The following GPR158 variants were observed in gnomAD, a reference collection of about 807,000 sequenced individuals.
The protein encoded by GPR158 is metabotropic glycine receptor.
Under a neutral mutation model 78.2 loss-of-function variants are expected in GPR158, and 30 were observed. The ratio of observed to expected loss-of-function variants is 0.38; its 90% CI spans 0.29 to 0.52. GPR158 has a LOEUF of 0.52. Among genes scored for constraint, GPR158 ranks in the 20% least tolerant of loss-of-function variants. The pLI is 0.83. For synonymous variants in GPR158, 581 were observed against 591.1 expected, an observed-to-expected ratio of 0.98 and a Z score of 0.25; for missense variants, 1,463 against 1,523.5, an observed-to-expected ratio of 0.96 and a Z score of 0.66.
At chr10:25,555,760 C>CT (rs201666919) in intron 6 of GPR158, among the ~76,000 whole-genome samples, 2,968 of 150,836 alleles carry the variant, frequency 0.02, 84 homozygotes, top group African/African-American at 0.067. Flanking sequence ...AAACAAAATA[C>CT]TTTTTTTTTG....
rs1232404791 is a variant in GPR158, at chr10:25,366,389, G to A, written c.1009-29522G>A. 2.6e-5 allele frequency among the ~76,000 whole-genome samples: 4 copies of A among 151,632 alleles called. No individual in the cohort carries two copies. The East Asian group carries it at 5.9e-4, about 22-fold the overall frequency. ...ATTCTCACTAAAACTTTGTCAGTTT[G>A]AGTTTTGTCCATTTTGATGACTGAG... On this transcript the variant is annotated intron_variant, in intron 2 of 10. Coordinates refer to ENST00000376351, the MANE Select transcript of GPR158 (RefSeq NM_020752.3).
chr10:25,306,018 C>T (rs2079049467), intron 2 of GPR158, among the ~76,000 whole-genome samples: 1 of 152,006 alleles, frequency 6.6e-6, no homozygotes, highest in Admixed American at 6.6e-5. Context: ...TTTTTCCTCC[C>T]TCTCTACTCC....
At chr10:25,551,867 T>C (rs1211999986) in intron 6 of GPR158, among the ~76,000 whole-genome samples, 1 of 152,186 alleles carries the variant, frequency 6.6e-6, no homozygotes, top group Non-Finnish European at 1.5e-5. Flanking sequence ...CCCTTTGTAC[T>C]GATCAGCTTT....
intron 4 of GPR158, among the ~76,000 whole-genome samples, chr10:25,420,889 C>T (rs990698577): frequency 1.3e-5 from 2 of 152,230 alleles, no homozygotes; most frequent in East Asian, 3.9e-4. Flanking sequence ...ATTTTGAAAT[C>T]AGAAAGAGTG....
chr10:25,337,198 A>G (rs1855221428), intron 2 of GPR158, among the ~76,000 whole-genome samples: 1 of 152,112 alleles, frequency 6.6e-6, no homozygotes. Flanking sequence ...GTAAACCTGC[A>G]TCAATCTTAA....
intron 2 of GPR158, among the ~76,000 whole-genome samples, chr10:25,230,168 T>C (rs1190074452): frequency 1.3e-5 from 2 of 152,180 alleles, no homozygotes; most frequent in Admixed American, 1.3e-4. Flanking sequence ...TGCATCACAA[T>C]GAAAGTTAAT....
chr10:25,298,362 T>C (rs947753209), intron 2 of GPR158, among the ~76,000 whole-genome samples: 1 of 152,214 alleles, frequency 6.6e-6, no homozygotes, highest in Non-Finnish European at 1.5e-5. Flanking sequence ...GTCTTTTCTT[T>C]AAAAAATGTA....
At chr10:25,472,284 A>G (rs1286599934) in intron 5 of GPR158, among the ~76,000 whole-genome samples, 1 of 151,544 alleles carries the variant, frequency 6.6e-6, no homozygotes, top group African/African-American at 2.4e-5. Context: ...GATGTGTGGT[A>G]TTATTTCTGA....
rs941676078 is a variant in GPR158 at position 25,260,974 on chromosome 10, A to G, written c.1008+39817A>G. ...CCAGAAGGAGATTGTGTGAACATCT[A>G]TTCTGCTATATTGCTAAAACCAGTA... On this transcript the variant is annotated intron_variant, in intron 2 of 10. Transcript: ENST00000376351. 2.6e-5 allele frequency among the ~76,000 whole-genome samples: 4 copies of G among 152,318 alleles called. No individual in the cohort carries two copies. In the East Asian group the frequency reaches 5.8e-4, roughly 22 times the overall value.
intron 7 of GPR158, among the ~76,000 whole-genome samples, chr10:25,582,202 CAGAG>C (rs1837212137): frequency 6.6e-6 from 1 of 152,156 alleles, no homozygotes; most frequent in African/African-American, 2.4e-5. Flanking sequence ...CCATATCAGA[CAGAG>C]AGACGAAATG....
chr10:25,536,471 A>T (rs1044015785), intron 5 of GPR158, among the ~76,000 whole-genome samples: 2 of 152,178 alleles, frequency 1.3e-5, no homozygotes, highest in Admixed American at 1.3e-4. Flanking sequence ...GAAGAAGTGT[A>T]AAGTCTCCAG....
chr10:25,588,297 A>G (rs1466460684), intron 7 of GPR158, among the ~76,000 whole-genome samples: 3 of 152,250 alleles, frequency 2.0e-5, no homozygotes, highest in Non-Finnish European at 4.4e-5. Context: ...ATTTAGGGAT[A>G]GAGCCAGAGT....
At chr10:25,247,713 T>C (rs1181621055) in intron 2 of GPR158, among the ~76,000 whole-genome samples, 5 of 151,880 alleles carry the variant, frequency 3.3e-5, no homozygotes, top group Middle Eastern at 3.4e-3. Flanking sequence ...TCCAGTCTAT[T>C]ATTGTTGGAC....
intron 2 of GPR158, among the ~76,000 whole-genome samples, chr10:25,314,170 G>A (rs142121929): frequency 0.046 from 7,065 of 152,000 alleles, 347 homozygotes; most frequent in African/African-American, 0.13. Flanking sequence ...GCACAATCTC[G>A]GCTCACTGCA....
At chr10:25,586,313 G>A (rs964131483) in intron 7 of GPR158, among the ~76,000 whole-genome samples, 2 of 151,208 alleles carry the variant, frequency 1.3e-5, no homozygotes, top group African/African-American at 2.4e-5. Context: ...TGTGCAGTAA[G>A]ATAGTGTTGA....
At chr10:25,201,838 T>G (rs1412245736) in intron 1 of GPR158, among the ~76,000 whole-genome samples, 1 of 152,120 alleles carries the variant, frequency 6.6e-6, no homozygotes, top group Non-Finnish European at 1.5e-5. Context: ...TTGATCATGA[T>G]AGATGAGCTT....
intron 2 of GPR158, among the ~76,000 whole-genome samples, chr10:25,283,821 G>T: frequency 6.6e-6 from 1 of 151,632 alleles, no homozygotes; most frequent in South Asian, 2.1e-4. Context: ...TTTTAATTTA[G>T]TTCAAAATAT....
At chr10:25,542,171 G>C (rs374758900) in intron 5 of GPR158, among the ~76,000 whole-genome samples, 3 of 151,860 alleles carry the variant, frequency 2.0e-5, no homozygotes, top group Admixed American at 1.3e-4. Context: ...TCTACTAACA[G>C]AAACCCCAAA....
intron 2 of GPR158, among the ~76,000 whole-genome samples, chr10:25,369,422 T>C (rs1334616371): frequency 6.7e-6 from 1 of 149,664 alleles, no homozygotes; most frequent in East Asian, 1.9e-4. Flanking sequence ...TCTATTGAGA[T>C]AATCATGTGG....
Sources: allele counts gnomAD v4.1 joint callset (sites outside exome capture counted in the v4.1 genomes callset), GRCh38; gene constraint gnomAD v4.1.1; transcripts MANE v1.5; gene names NCBI Gene and HGNC (gene_info 2026-07-23, HGNC 2026-07-21).